The following PTPN13 variants were observed in gnomAD, a reference collection of about 807,000 sequenced individuals.
PTPN13 encodes tyrosine-protein phosphatase non-receptor type 13.
A neutral mutation model predicts 284.0 loss-of-function variants in PTPN13; 191 were observed. The ratio of observed to expected loss-of-function variants is 0.67; its 90% CI spans 0.60 to 0.76. PTPN13 has a LOEUF of 0.76. PTPN13 is among the 30% of genes least tolerant of loss of function. The pLI, the probability that PTPN13 is intolerant of heterozygous loss-of-function variation, is 0.00. For synonymous variants in PTPN13, 986 were observed against 1,022.3 expected (o/e 0.96, Z 0.68); for missense variants, 2,797 against 2,939.9 (o/e 0.95, Z 1.12).
intron 40 of PTPN13, among the ~76,000 whole-genome samples, chr4:86,788,870 C>A (rs780479802): frequency 4.6e-5 from 7 of 152,054 alleles, no homozygotes; most frequent in Non-Finnish European, 8.8e-5. Flanking sequence ...GAAACATATT[C>A]TGTTAAATGT....
chr4:86,736,858 C>T (rs1344902615), intron 15 of PTPN13, among the ~76,000 whole-genome samples: 3 of 152,174 alleles, frequency 2.0e-5, no homozygotes, highest in African/African-American at 7.2e-5. Context: ...GGTTGCCCTA[C>T]TCCTTCTAAT....
intron 6 of PTPN13, among the ~76,000 whole-genome samples, chr4:86,700,254 T>C (rs771178851): frequency 2.0e-5 from 3 of 152,202 alleles, no homozygotes; most frequent in Non-Finnish European, 4.4e-5. Flanking sequence ...GTCATTATTT[T>C]ATATTGTATA....
rs1417189504 is a variant in PTPN13 at position 86,758,298 on chromosome 4, G to T, written c.3262G>T (p.Glu1088Ter). The change falls in exon 21 of 48, where the codon GAA (glutamate) becomes TAA (stop). Residue 1088 changes from glutamate (E) to a stop codon, truncating the protein, a stop_gained. Transcript: ENST00000411767. LOFTEE classifies it high-confidence loss of function. ...AAGATGGAGCATAGTATCTTCACCAGAAAGGGAGATCACCTTAGTGAACCT... is the reference window on the plus strand; with the variant it reads ...AAGATGGAGCATAGTATCTTCACCATAAAGGGAGATCACCTTAGTGAACCT... ...HKRWSIVSSPEREITLVNLKK... is the reference protein window; with the variant it reads ...HKRWSIVSSP The T allele has an allele frequency of 6.2e-7, 1 of 1,612,108 alleles. No individual in the cohort carries two copies. The highest frequency in any genetic ancestry group is 2.2e-5 in the East Asian group (1 of 44,838).
At position 86,780,385 on chromosome 4, in the gene PTPN13, C is replaced by G. The variant is rs1741160680; in HGVS notation, c.5892-17C>G. 3 of 1,596,630 alleles carry G rather than the reference C, an allele frequency of 1.9e-6. No individual in the cohort carries two copies. Among genetic ancestry groups the G allele is most frequent in the African/African-American group, 2.7e-5 (2 of 74,634 alleles). ...AATGTCCAAGACAATTTACAGTTGT[C>G]TTTTTTTACAACACAGAAATGATCT... On this transcript the variant is annotated splice_polypyrimidine_tract_variant and intron_variant, in intron 35 of 47. Transcript: ENST00000411767.
At chr4:86,730,992 C>T (rs1050759522) in intron 10 of PTPN13, among the ~76,000 whole-genome samples, 5 of 152,154 alleles carry the variant, frequency 3.3e-5, no homozygotes, top group African/African-American at 9.7e-5. Flanking sequence ...CCTATTGGTT[C>T]ATTGAATATT....
chr4:86,763,475 A>G (rs991408302), intron 24 of PTPN13, among the ~76,000 whole-genome samples: 1 of 152,222 alleles, frequency 6.6e-6, no homozygotes, highest in African/African-American at 2.4e-5. Flanking sequence ...TCTCTGGCAT[A>G]TTTAATGTTT....
chr4:86,747,525 G>A (rs10001010), intron 17 of PTPN13, among the ~76,000 whole-genome samples: 12,432 of 151,784 alleles, frequency 0.082, 640 homozygotes, highest in Non-Finnish European at 0.11. Flanking sequence ...ATGTAATAGC[G>A]GTAATAGTAG....
At chr4:86,713,362 A>C (rs1050536674) in intron 7 of PTPN13, among the ~76,000 whole-genome samples, 1 of 152,134 alleles carries the variant, frequency 6.6e-6, no homozygotes, top group African/African-American at 2.4e-5. Flanking sequence ...TCTTAAGTAA[A>C]AATATAACTT....
intron 1 of PTPN13, among the ~76,000 whole-genome samples, chr4:86,622,916 T>G (rs1415080118): frequency 1.3e-5 from 2 of 152,178 alleles, no homozygotes; most frequent in Non-Finnish European, 2.9e-5. Flanking sequence ...CTCTGAAACT[T>G]TCCCTCCAAA....
chr4:86,785,207 C>A, intron 38 of PTPN13, 24 bp from the exon 39 acceptor site: 1 of 1,459,962 alleles, frequency 6.8e-7, no homozygotes, highest in East Asian at 2.5e-5. Flanking sequence ...AAGTAAAACC[C>A]CATGTAAATT....
chr4:86,781,735 C>T (rs970545235), intron 36 of PTPN13, among the ~76,000 whole-genome samples: 5 of 151,192 alleles, frequency 3.3e-5, no homozygotes, highest in East Asian at 1.9e-4. Flanking sequence ...GAGGCCGAGG[C>T]GGGCAGATCA....
In PTPN13 at chr4:86,750,649, C is replaced by T; in HGVS notation, c.2830C>T (p.Gln944Ter). ...RLSCSELSLY[Q>*]PLQNSSKEKN... Reference sequence around the variant, plus strand: ...ATCCTGCTCAGAGCTGTCGCTTTACCAGCCATTGCAAAACAGTTCAAAAGA... The same window carrying T: ...ATCCTGCTCAGAGCTGTCGCTTTACTAGCCATTGCAAAACAGTTCAAAAGA... Residue 944 changes from glutamine (Q) to a stop codon, truncating the protein, a stop_gained, in exon 18 of 48, where the codon CAG (glutamine) becomes TAG (stop). Transcript: ENST00000411767. LOFTEE classifies it high-confidence loss of function. 6.2e-7 allele frequency: 1 copy of T among 1,613,966 alleles called. No individual in the cohort carries two copies. Among genetic ancestry groups the T allele is most frequent in the Admixed American group, 1.7e-5 (1 of 60,020 alleles).
In PTPN13 at chr4:86,718,455, C is replaced by CTTTTTTTTTTTTTTTTTT. The variant is rs796389778; in HGVS notation, c.1385+1351_1385+1352insTTTTTTTTTTTTTTTTTT. ...AAATTATTCTTTAGTTAATGGTCCACTTTTTTTTTTTTTGAGACAGAGTCT... is the reference window on the plus strand; with the variant it reads ...AAATTATTCTTTAGTTAATGGTCCACTTTTTTTTTTTTTTTTTTTTTTTTTTTTTTTGAGACAGAGTCT... On this transcript the variant is annotated intron_variant, in intron 9 of 47. Coordinates refer to ENST00000411767, the MANE Select transcript of PTPN13 (RefSeq NM_080683.3). Among the ~76,000 whole-genome samples, 9 of 140,162 alleles carry CTTTTTTTTTTTTTTTTTT rather than the reference C, an allele frequency of 6.4e-5. 1 individual carries two copies. Among genetic ancestry groups the CTTTTTTTTTTTTTTTTTT allele is most frequent in the South Asian group, 2.2e-4 (1 of 4,522 alleles). The allele number at this position is 140,162 out of a possible 152,430, so 92.0% of individuals were successfully genotyped here.
chr4:86,687,483 C>T (rs1729577104), intron 4 of PTPN13, among the ~76,000 whole-genome samples: 2 of 152,062 alleles, frequency 1.3e-5, no homozygotes, highest in African/African-American at 2.4e-5. Flanking sequence ...TTATTTTAGG[C>T]ATTTATAAGT....
chr4:86,765,640 C>T (rs1395951206), intron 26 of PTPN13, among the ~76,000 whole-genome samples, 152 bp downstream of exon 26: 1 of 151,982 alleles, frequency 6.6e-6, no homozygotes, highest in African/African-American at 2.4e-5. Flanking sequence ...CTCTTTGATG[C>T]CATTTCAAAA....
At chr4:86,771,621 A>G in intron 31 of PTPN13, 86 bp downstream of exon 31, 4 of 1,353,638 alleles carry the variant, frequency 3.0e-6, no homozygotes, top group Non-Finnish European at 4.0e-6. Context: ...TTAAGAATGA[A>G]ATGTATGTAT....
At chr4:86,602,183 A>C (rs1764349111) in intron 1 of PTPN13, among the ~76,000 whole-genome samples, 2 of 152,112 alleles carry the variant, frequency 1.3e-5, no homozygotes, top group South Asian at 4.1e-4. Flanking sequence ...CTCCTGTTTG[A>C]TTTAGAGAAA....
intron 2 of PTPN13, among the ~76,000 whole-genome samples, chr4:86,635,816 T>C (rs1722951360): frequency 6.6e-6 from 1 of 151,860 alleles, no homozygotes; most frequent in African/African-American, 2.4e-5. Context: ...ATACAAAATT[T>C]AGCCGGTGTA....
intron 7 of PTPN13, among the ~76,000 whole-genome samples, chr4:86,711,290 A>G (rs777657158): frequency 1.3e-5 from 2 of 151,988 alleles, no homozygotes; most frequent in African/African-American, 2.4e-5. Flanking sequence ...CTGGGATTAC[A>G]GACGTAACCC....
Sources: allele counts gnomAD v4.1 joint callset (sites outside exome capture counted in the v4.1 genomes callset), GRCh38; gene constraint gnomAD v4.1.1; transcripts MANE v1.5; gene names NCBI Gene and HGNC (gene_info 2026-07-23, HGNC 2026-07-21).